Variants in NOTCH2 observed in about 807,000 individuals in gnomAD.
The protein encoded by NOTCH2 is notch receptor 2.
NOTCH2 carries 29 observed loss-of-function variants against 235.8 expected under a neutral mutation model. The observed-to-expected ratio is 0.12, with a 90% CI of 0.09 to 0.17. The LOEUF (loss-of-function observed/expected upper bound fraction) is 0.17, where lower values mean the gene tolerates loss of function less well. NOTCH2 is among the 10% of genes least tolerant of loss of function. The pLI is 1.00. For synonymous variants in NOTCH2, 1,086 were observed against 1,141.5 expected (o/e 0.95, Z 0.98); for missense variants, 2,285 against 3,150.2 (o/e 0.73, Z 6.57).
chr1:120,063,805 C>T (rs1444454700), intron 1 of NOTCH2, among the ~76,000 whole-genome samples: 1 of 152,216 alleles, frequency 6.6e-6, no homozygotes, highest in Non-Finnish European at 1.5e-5. Flanking sequence ...GATGACACTC[C>T]AGATGCACTG....
intron 4 of NOTCH2, chr1:119,994,981 A>T (rs2101204128): frequency 6.6e-6 from 1 of 151,020 alleles, no homozygotes; most frequent in South Asian, 2.1e-4. Context: ...CTCTTCATCA[A>T]ATCTCCCCAT....
chr1:119,962,988 G>A (rs1478781510), intron 11 of NOTCH2, among the ~76,000 whole-genome samples: 1 of 152,180 alleles, frequency 6.6e-6, no homozygotes, highest in Admixed American at 6.5e-5. Flanking sequence ...CCGAGGATAG[G>A]AAATGACAGC....
At chr1:120,007,657 C>T (rs1653034329) in intron 2 of NOTCH2, among the ~76,000 whole-genome samples, 1 of 151,926 alleles carries the variant, frequency 6.6e-6, no homozygotes, top group Middle Eastern at 3.2e-3. Flanking sequence ...TGTGCCACTA[C>T]ACTCCAGCCT....
rs1207501487 is a variant in NOTCH2, at chr1:119,912,286, G to A, written c.*3020C>T. The A allele has an allele frequency of 4.3e-6, 1 of 233,158 alleles. No homozygotes were observed. Among genetic ancestry groups the A allele is most frequent in the African/African-American group, 2.2e-5 (1 of 45,298 alleles). The allele number at this position is 233,158 out of a possible 1,614,324, so 14.4% of individuals were successfully genotyped here. On this transcript the variant is annotated 3_prime_UTR_variant, in exon 34 of 34. Transcript: ENST00000256646. ...GAAGTAACCATAGTACCACTTATTA[G>A]TGGGGGCCTCTGGGTACATAAATGT... is the stretch of plus-strand genomic sequence containing the variant.
chr1:119,914,677 T>C lies in NOTCH2; in HGVS notation c.*629A>G. ...CTTGAAAGGTTTGTGCTGAGAACCA[T>C]ACCAAAGTAAACCTTGTGAGACTCC... On this transcript the variant is annotated 3_prime_UTR_variant, in exon 34 of 34. Coordinates refer to ENST00000256646, the MANE Select transcript of NOTCH2 (RefSeq NM_024408.4). 4.1e-6 allele frequency: 1 copy of C among 244,080 alleles called. No homozygotes were observed. The allele number at this position is 244,080 out of a possible 1,614,324, so 15.1% of individuals were successfully genotyped here. A position where few individuals can be genotyped will look rare whatever the true frequency, so the allele number is the denominator to read the frequency against.
chr1:119,985,714 G>A (rs1553202152), intron 5 of NOTCH2, among the ~76,000 whole-genome samples: 1 of 152,054 alleles, frequency 6.6e-6, no homozygotes, highest in East Asian at 1.9e-4. Flanking sequence ...GTTACTATAT[G>A]TCATGTAATT....
At position 120,005,530 on chromosome 1, in the gene NOTCH2, G is replaced by A. The variant is rs782131599; in HGVS notation, c.214C>T (p.Arg72Cys). ...ACACAAGTCCCACCATTCTGGCAGC[G>A]GTTCTTCTCACAGGGGTCTCGATGT... ...CQHRDPCEKN[R>C]CQNGGTCVAQ... The change falls in exon 3 of 34, where the codon CGC (arginine) becomes TGC (cysteine). Residue 72 changes from arginine (R) to cysteine (C), a missense_variant. This residue lies in a region of NOTCH2 where 12 missense variants were observed against 51.7 expected (regional missense o/e 0.23). Transcript: ENST00000256646. The A allele has an allele frequency of 1.1e-5, 18 of 1,606,190 alleles. No homozygotes were observed. Among genetic ancestry groups the A allele is most frequent in the East Asian group, 2.2e-5 (1 of 44,764 alleles).
At chr1:119,944,149 G>A (rs1384706514) in intron 17 of NOTCH2, among the ~76,000 whole-genome samples, 1 of 151,892 alleles carries the variant, frequency 6.6e-6, no homozygotes, top group Non-Finnish European at 1.5e-5. Context: ...AAAAAATAAT[G>A]GCTAAATATT....
intron 17 of NOTCH2, among the ~76,000 whole-genome samples, chr1:119,945,301 AG>A (rs1438690413): frequency 6.6e-6 from 1 of 152,184 alleles, no homozygotes; most frequent in East Asian, 1.9e-4. Flanking sequence ...AAAAGATGTC[AG>A]AAAAAGGAAA....
At chr1:119,953,752 A>G (rs1352320063) in intron 13 of NOTCH2, 64 bp from the exon 14 acceptor site, 1 of 1,412,344 alleles carries the variant, frequency 7.1e-7, no homozygotes, top group Non-Finnish European at 1.0e-6. Context: ...ATAGAGTGAA[A>G]TACAGGACTT....
In NOTCH2 at chr1:119,969,606, T is replaced by C; in HGVS notation, c.1013A>G (p.Asn338Ser). The change falls in exon 6 of 34, where the codon AAC (asparagine) becomes AGC (serine). Residue 338 changes from asparagine (N) to serine (S), a missense_variant. By Grantham distance (46) the Asn-to-Ser change is conservative. This residue lies in a region of NOTCH2 where 431 missense variants were observed against 757.8 expected (regional missense o/e 0.57). Transcript: ENST00000256646. ...GGAGGCGAAGGCACAATCATCAATG[T>C]TCTCACTGCAGTCATCTCCACTCCA... Reference protein sequence around the residue: ...NGWSGDDCSENIDDCAFASCT... With the variant: ...NGWSGDDCSESIDDCAFASCT... The C allele has an allele frequency of 6.2e-7, 1 of 1,614,102 alleles. No individual in the cohort carries two copies. Among genetic ancestry groups the C allele is most frequent in the Non-Finnish European group, 8.5e-7 (1 of 1,179,992 alleles).
Position 119,988,141 on chromosome 1 carries a change from G to A in NOTCH2, c.752-1059C>T, listed in dbSNP as rs143693782. 5.3e-3 allele frequency among the ~76,000 whole-genome samples: 814 copies of A among 152,262 alleles called. 4 individuals carry two copies. The highest frequency in any genetic ancestry group is 8.7e-3 in the Admixed American group (133 of 15,290). On this transcript the variant is annotated intron_variant, in intron 4 of 33. Transcript: ENST00000256646. ...TACATTAGGCACTGGTGATACAGCA[G>A]TGAGTCCCTGCTTTTGTGGCATTTA...
intron 22 of NOTCH2, among the ~76,000 whole-genome samples, chr1:119,931,102 TAA>T (rs79286766): frequency 8.7e-5 from 11 of 126,452 alleles, no homozygotes; most frequent in Admixed American, 2.5e-4. Flanking sequence ...GACTCTGTCT[TAA>T]AAAAAAAAAA....
rs1268581110 is a variant in NOTCH2, at chr1:119,925,540, G to A, written c.4276C>T (p.Leu1426=). The A allele has an allele frequency of 1.9e-6, 3 of 1,614,186 alleles. No individual in the cohort carries two copies. Among genetic ancestry groups the A allele is most frequent in the Middle Eastern group, 1.6e-4 (1 of 6,062 alleles). The change falls in exon 25 of 34, where the codon CTG becomes TTG. Residue 1426 remains leucine (L), a synonymous_variant. Transcript: ENST00000256646. ...GCTTTGTCGGCACAATACTGGCTCAGACAGGTGGCAGGAGGGGTGCTGGGG... is the reference window on the plus strand; with the variant it reads ...GCTTTGTCGGCACAATACTGGCTCAAACAGGTGGCAGGAGGGGTGCTGGGG... ...APPSTPPATC[L]SQYCADKARD... is the part of the protein sequence containing the mutation.
At position 120,069,415 on chromosome 1, in the gene NOTCH2, T is replaced by A. The variant is rs781866598; in HGVS notation, c.-9A>T. The A allele has an allele frequency of 6.5e-7, 1 of 1,541,092 alleles. No homozygotes were observed. Among genetic ancestry groups the A allele is most frequent in the African/African-American group, 1.4e-5 (1 of 71,862 alleles). On this transcript the variant is annotated 5_prime_UTR_variant, in exon 1 of 34. Transcript: ENST00000256646. ...GGGCGCAGGGCGGGCATCTTCTCGG[T>A]CGCCTCCTCCTCCGCCGCCGCCGCC...
intron 1 of NOTCH2, among the ~76,000 whole-genome samples, chr1:120,063,527 G>C (rs1168934826): frequency 6.6e-6 from 1 of 152,162 alleles, no homozygotes; most frequent in Non-Finnish European, 1.5e-5. Flanking sequence ...GAAAATGCTG[G>C]ATTTCGCAAA....
intron 1 of NOTCH2, among the ~76,000 whole-genome samples, chr1:120,057,830 ATC>A (rs1159313473): frequency 4.8e-5 from 3 of 62,806 alleles, no homozygotes; most frequent in Non-Finnish European, 9.2e-5. Context: ...CTAGCTCTGA[ATC>A]TCGACTAAGC....
Position 119,955,244 on chromosome 1 carries a change from G to T in NOTCH2, c.2027-12C>A, listed in dbSNP as rs782118541. The stretch of plus-strand genomic sequence containing the variant: ...GTTACATCTCTGCCCTGTGGAGAAG[G>T]GGGACAGTGTTAGTCACATCCTAAA... On this transcript the variant is annotated splice_polypyrimidine_tract_variant and intron_variant, in intron 12 of 33. Coordinates refer to ENST00000256646, the MANE Select transcript of NOTCH2 (RefSeq NM_024408.4). 43 of 1,613,526 alleles carry T rather than the reference G, an allele frequency of 2.7e-5. No homozygotes were observed. The highest frequency in any genetic ancestry group is 3.6e-5 in the Non-Finnish European group (43 of 1,179,506).
At position 119,919,427 on chromosome 1, in the gene NOTCH2, C is replaced by T. The variant is rs1557803696; in HGVS notation, c.5666G>A (p.Arg1889Gln). Residue 1889 changes from arginine (R) to glutamine (Q), a missense_variant, in exon 31 of 34, where the codon CGG (arginine) becomes CAG (glutamine). Physicochemically the swap from Arg to Gln is conservative, Grantham distance 43. Coordinates refer to ENST00000256646, the MANE Select transcript of NOTCH2 (RefSeq NM_024408.4). ...CAGGAGACGCTTGGCAGCATCAGCC[C>T]GTGAGTAGCGGGCTGCAAGGTGCAG... ...MALHLAARYS[R>Q]ADAAKRLLDA... 3 of 1,613,784 alleles carry T rather than the reference C, an allele frequency of 1.9e-6. No homozygotes were observed. The highest frequency in any genetic ancestry group is 1.1e-5 in the South Asian group (1 of 91,070).
Sources: allele counts gnomAD v4.1 joint callset (sites outside exome capture counted in the v4.1 genomes callset), GRCh38; gene constraint gnomAD v4.1.1; regional missense constraint gnomAD v4.1.1; transcripts MANE v1.5; gene names NCBI Gene and HGNC (gene_info 2026-07-23, HGNC 2026-07-21).